Variants in RTN1 observed in about 807,000 individuals in gnomAD.
RTN1 encodes the protein reticulon-1.
RTN1 carries 25 observed loss-of-function variants against 65.5 expected under a neutral mutation model. The observed-to-expected ratio is 0.38, with a 90% CI of 0.28 to 0.53. The LOEUF (loss-of-function observed/expected upper bound fraction) is 0.53. Ranked by LOEUF, RTN1 falls within the 20% of genes least tolerant of loss-of-function variation. The pLI is 0.79. For missense variants in RTN1, 983 were observed against 1,025.4 expected (o/e 0.96, Z 0.57); for synonymous variants, 471 against 447.6 (o/e 1.05, Z -0.66).
intron 3 of RTN1, among the ~76,000 whole-genome samples, chr14:59,684,210 T>G (rs1883800544): frequency 6.6e-6 from 1 of 152,102 alleles, no homozygotes; most frequent in African/African-American, 2.4e-5. Flanking sequence ...TTAAATGATC[T>G]GTTTTGTAAG....
rs141071071 is a variant in RTN1 at position 59,742,396 on chromosome 14, T to A, written c.1015+3312A>T. Among the ~76,000 whole-genome samples, 339 of 152,338 alleles carry A rather than the reference T, an allele frequency of 2.2e-3. 1 individual carries two copies. Among genetic ancestry groups the A allele is most frequent in the African/African-American group, 7.5e-3 (311 of 41,578 alleles). ...CATCAGGGCATTTATTATGTTTTCC[T>A]AAATTGCTTCACTTTTTTCATGACT... is the stretch of plus-strand genomic sequence containing the variant. On this transcript the variant is annotated intron_variant, in intron 2 of 8. Transcript: ENST00000267484.
intron 3 of RTN1, among the ~76,000 whole-genome samples, chr14:59,692,495 A>T (rs1296116273): frequency 1.3e-5 from 2 of 152,224 alleles, no homozygotes; most frequent in Non-Finnish European, 2.9e-5. Context: ...TGCCCAAAGC[A>T]GTCTATAGAT....
chr14:59,867,186 C>T (rs557611033), intron 1 of RTN1, among the ~76,000 whole-genome samples: 1 of 152,138 alleles, frequency 6.6e-6, no homozygotes, highest in African/African-American at 2.4e-5. Context: ...ATTTAAAATT[C>T]TTTCTTTAAA....
intron 1 of RTN1, among the ~76,000 whole-genome samples, chr14:59,860,128 G>T (rs1208173218): frequency 6.6e-6 from 1 of 152,206 alleles, no homozygotes; most frequent in Admixed American, 6.5e-5. Flanking sequence ...GCATGTCAGA[G>T]GTCTTCACAG....
At chr14:59,663,159 G>A (rs1883288436) in intron 3 of RTN1, among the ~76,000 whole-genome samples, 1 of 152,082 alleles carries the variant, frequency 6.6e-6, no homozygotes, top group Admixed American at 6.6e-5. Context: ...AGAACAAGCA[G>A]TGGGGAAAGG....
intron 1 of RTN1, among the ~76,000 whole-genome samples, chr14:59,768,059 T>C (rs1348508137): frequency 6.6e-6 from 1 of 152,232 alleles, no homozygotes; most frequent in Non-Finnish European, 1.5e-5. Context: ...GTTTGTTATA[T>C]TGTTATTAGG....
At chr14:59,690,452 A>G (rs1339393024) in intron 3 of RTN1, among the ~76,000 whole-genome samples, 1 of 152,192 alleles carries the variant, frequency 6.6e-6, no homozygotes, top group African/African-American at 2.4e-5. Flanking sequence ...TCATAAAATA[A>G]GTACTTCTAG....
chr14:59,599,069 C>G (rs1354938452), intron 8 of RTN1, among the ~76,000 whole-genome samples: 1 of 152,204 alleles, frequency 6.6e-6, no homozygotes. Context: ...CTACTAATAA[C>G]AACTCAACTT....
At chr14:59,680,874 A>G (rs1883731795) in intron 3 of RTN1, among the ~76,000 whole-genome samples, 1 of 152,210 alleles carries the variant, frequency 6.6e-6, no homozygotes, top group Non-Finnish European at 1.5e-5. Flanking sequence ...ATATTTATGA[A>G]GAGTTTTTAA....
chr14:59,596,803 C>CAA lies in RTN1; in HGVS notation c.2289-18_2289-17dup, dbSNP rs758664220. On this transcript the variant is annotated splice_polypyrimidine_tract_variant and intron_variant, in intron 8 of 8. Transcript: ENST00000267484. Reference sequence around the variant, plus strand: ...AGCCTGAATCCTAAAAAGACAGTATCAAAAGGTAGTAAATCACAAGTGTTA... The same window carrying CAA: ...AGCCTGAATCCTAAAAAGACAGTATCAAAAAAGGTAGTAAATCACAAGTGTTA... The CAA allele has an allele frequency of 3.9e-5, 62 of 1,603,258 alleles. No individual in the cohort carries two copies. Among genetic ancestry groups the CAA allele is most frequent in the Non-Finnish European group, 5.1e-5 (60 of 1,170,444 alleles).
At chr14:59,606,992 G>C (rs1185941029) in intron 4 of RTN1, among the ~76,000 whole-genome samples, 2 of 152,314 alleles carry the variant, frequency 1.3e-5, no homozygotes, top group Non-Finnish European at 2.9e-5. Flanking sequence ...AATGCCTGCT[G>C]TGCCTTTCTG....
chr14:59,723,203 T>C (rs1884683122), intron 3 of RTN1, among the ~76,000 whole-genome samples: 1 of 152,154 alleles, frequency 6.6e-6, no homozygotes, highest in Non-Finnish European at 1.5e-5. Context: ...AGTATGATAT[T>C]AGATTACCAG....
chr14:59,811,947 T>C (rs778389874), intron 1 of RTN1, among the ~76,000 whole-genome samples: 7 of 152,172 alleles, frequency 4.6e-5, no homozygotes, highest in Non-Finnish European at 1.0e-4. Context: ...TAAATACTTC[T>C]TTAGTTAGGA....
chr14:59,711,660 C>G (rs1456198678), intron 3 of RTN1, among the ~76,000 whole-genome samples: 2 of 152,202 alleles, frequency 1.3e-5, no homozygotes, highest in Non-Finnish European at 2.9e-5. Flanking sequence ...ACTGTAAGCA[C>G]TAGAGATACA....
chr14:59,648,533 C>G (rs772607704), intron 3 of RTN1, among the ~76,000 whole-genome samples: 1 of 152,126 alleles, frequency 6.6e-6, no homozygotes, highest in Non-Finnish European at 1.5e-5. Context: ...AGGCAAAAAT[C>G]CTCAACAAAA....
intron 1 of RTN1, among the ~76,000 whole-genome samples, chr14:59,857,700 T>C (rs528049328): frequency 2.6e-5 from 4 of 152,332 alleles, no homozygotes; most frequent in African/African-American, 9.6e-5. Context: ...TTTAGAATTA[T>C]CCTCATTGAA....
At chr14:59,781,876 C>T (rs1026048323) in intron 1 of RTN1, among the ~76,000 whole-genome samples, 4 of 152,060 alleles carry the variant, frequency 2.6e-5, no homozygotes, top group Non-Finnish European at 5.9e-5. Flanking sequence ...ATTTCTGGAA[C>T]AAAAGATAAA....
intron 3 of RTN1, among the ~76,000 whole-genome samples, chr14:59,706,585 G>A (rs1884299132): frequency 6.6e-6 from 1 of 151,490 alleles, no homozygotes; most frequent in South Asian, 2.1e-4. Context: ...ATTCCTGAAT[G>A]AATGTATGGA....
chr14:59,869,120 A>G lies in RTN1; in HGVS notation c.241+1270T>C, dbSNP rs1431641610. 4.0e-5 allele frequency among the ~76,000 whole-genome samples: 6 copies of G among 151,612 alleles called. No homozygotes were observed. In the South Asian group the frequency reaches 1.0e-3, roughly 26 times the overall value. ...TTCTCTTCCTTTCAGGATATTGACA[A>G]TTTTTATTCAACGCATTCTCCAAAC... On this transcript the variant is annotated intron_variant, in intron 1 of 8. Coordinates refer to ENST00000267484, the MANE Select transcript of RTN1 (RefSeq NM_021136.3).
Sources: gnomAD v4.1 joint callset for allele counts (sites outside exome capture counted in the v4.1 genomes callset) on GRCh38, gnomAD v4.1.1 for gene constraint, MANE v1.5 for transcripts, NCBI Gene and HGNC (gene_info 2026-07-23, HGNC 2026-07-21) for gene names.